The following DSE variants were observed in gnomAD, a reference collection of about 807,000 sequenced individuals.
DSE encodes dermatan-sulfate epimerase.
Under a neutral mutation model 84.4 loss-of-function variants are expected in DSE, and 36 were observed. The observed-to-expected ratio is 0.43, with a 90% CI of 0.33 to 0.56. DSE has a LOEUF of 0.56. Among genes scored for constraint, DSE ranks in the 20% least tolerant of loss-of-function variants. The pLI, the probability that DSE is intolerant of heterozygous loss-of-function variation, is 0.06. For missense variants in DSE, 862 were observed against 1,169.6 expected, an observed-to-expected ratio of 0.74 and a Z score of 3.84; for synonymous variants, 410 against 430.1, an observed-to-expected ratio of 0.95 and a Z score of 0.58.
intron 2 of DSE, among the ~76,000 whole-genome samples, chr6:116,363,754 A>C (rs1318879006): frequency 1.3e-5 from 2 of 152,248 alleles, no homozygotes; most frequent in African/African-American, 4.8e-5. Flanking sequence ...CTGCTAAATG[A>C]AAGGTGCCAT....
intron 2 of DSE, among the ~76,000 whole-genome samples, chr6:116,292,746 T>A (rs1774369131): frequency 6.6e-6 from 1 of 152,168 alleles, no homozygotes; most frequent in Admixed American, 6.6e-5. Context: ...TTTATACAAC[T>A]GAATATTACG....
chr6:116,258,801 G>A (rs1225512717), exon 2 of DSE: 12 of 1,608,946 alleles, frequency 7.5e-6, no homozygotes, highest in African/African-American at 1.3e-5. Context: ...GAGGGTTCTC[G>A]CCTGTGAGCA....
chr6:116,357,446 G>A (rs1278692916), intron 2 of DSE, among the ~76,000 whole-genome samples: 1 of 151,850 alleles, frequency 6.6e-6, no homozygotes, highest in Admixed American at 6.6e-5. Context: ...GCAGGAGAAA[G>A]GCATGAACCC....
At chr6:116,396,663 A>C (rs1321269245) in intron 1 of DSE, among the ~76,000 whole-genome samples, 5 of 152,198 alleles carry the variant, frequency 3.3e-5, no homozygotes, top group Non-Finnish European at 4.4e-5. Context: ...TCTATGCTTC[A>C]GGATCAGCTT....
At chr6:116,272,558 T>C (rs928736016) in intron 2 of DSE, among the ~76,000 whole-genome samples, 1 of 152,206 alleles carries the variant, frequency 6.6e-6, no homozygotes, top group Non-Finnish European at 1.5e-5. Flanking sequence ...CCAGGCTCTT[T>C]GCAATAGCTG....
intron 2 of DSE, among the ~76,000 whole-genome samples, chr6:116,304,711 G>C (rs1408496553): frequency 1.3e-5 from 2 of 152,168 alleles, no homozygotes; most frequent in Non-Finnish European, 2.9e-5. Flanking sequence ...GCACAGAGGA[G>C]GAGCTGCCCT....
At chr6:116,423,858 C>A (rs1192242736) in intron 2 of DSE, among the ~76,000 whole-genome samples, 1 of 152,116 alleles carries the variant, frequency 6.6e-6, no homozygotes, top group African/African-American at 2.4e-5. Flanking sequence ...TAGGGACAGA[C>A]CTGAAGGTGC....
In DSE at chr6:116,438,304, G is replaced by GT. The variant is rs1395573213; in HGVS notation, c.*961dup. ...ATTTTCTCTAGTATTCTTCTTCTTTGTTCCATTATATTCAAAATGCATTAA... is the reference window on the plus strand; with the variant it reads ...ATTTTCTCTAGTATTCTTCTTCTTTGTTTCCATTATATTCAAAATGCATTAA... On this transcript the variant is annotated 3_prime_UTR_variant, in exon 6 of 6. Coordinates refer to ENST00000644252, the MANE Select transcript of DSE (RefSeq NM_013352.4). 6.6e-6 allele frequency: 1 copy of GT among 152,070 alleles called. No homozygotes were observed. Among genetic ancestry groups the GT allele is most frequent in the Admixed American group, 6.6e-5 (1 of 15,248 alleles). The allele number at this position is 152,070 out of a possible 1,614,324, so 9.4% of individuals were successfully genotyped here.
chr6:116,416,164 G>C (rs76228526), intron 2 of DSE, among the ~76,000 whole-genome samples: 1 of 152,144 alleles, frequency 6.6e-6, no homozygotes, highest in Non-Finnish European at 1.5e-5. Context: ...GCCAAGAAAG[G>C]TTCTTTGCTT....
At chr6:116,321,337 ATTT>A (rs66863151) in intron 2 of DSE, among the ~76,000 whole-genome samples, 3 of 115,536 alleles carry the variant, frequency 2.6e-5, no homozygotes, top group Non-Finnish European at 1.7e-5. Context: ...CTAATTTTTC[ATTT>A]TTTTTTTTTT....
chr6:116,354,781 A>G (rs1778488963), intron 2 of DSE, among the ~76,000 whole-genome samples: 1 of 152,136 alleles, frequency 6.6e-6, no homozygotes, highest in Non-Finnish European at 1.5e-5. Context: ...CTGTAATTAT[A>G]TTTTTTGGTT....
upstream of DSE, chr6:116,369,989 A>T: frequency 1.6e-6 from 2 of 1,277,854 alleles, no homozygotes; most frequent in Admixed American, 4.6e-5. Flanking sequence ...ACTTGCACAC[A>T]CTGGGTGGAG....
At chr6:116,283,854 A>T (rs528911856) in intron 2 of DSE, among the ~76,000 whole-genome samples, 50 of 152,316 alleles carry the variant, frequency 3.3e-4, no homozygotes, top group African/African-American at 1.1e-3. Flanking sequence ...AGATTTGGGT[A>T]GATTCTTAAC....
intron 2 of DSE, among the ~76,000 whole-genome samples, chr6:116,419,077 C>G (rs754723191): frequency 1.3e-5 from 2 of 152,172 alleles, no homozygotes; most frequent in Non-Finnish European, 2.9e-5. Context: ...ATATGGACGC[C>G]AAGCCAGGCC....
At chr6:116,381,252 A>C (rs528188658) in intron 1 of DSE, among the ~76,000 whole-genome samples, 1 of 152,184 alleles carries the variant, frequency 6.6e-6, no homozygotes, top group African/African-American at 2.4e-5. Context: ...AGAGTAACAT[A>C]GGGAATAAAG....
intron 2 of DSE, among the ~76,000 whole-genome samples, chr6:116,269,098 C>A (rs551175169): frequency 6.6e-6 from 1 of 151,824 alleles, no homozygotes; most frequent in Non-Finnish European, 1.5e-5. Flanking sequence ...AAGGCTCTGA[C>A]CTGAATGACC....
intron 1 of DSE, 30 bp downstream of exon 1, chr6:116,371,151 T>G (rs980515106): frequency 5.5e-5 from 54 of 985,558 alleles, no homozygotes; most frequent in Admixed American, 6.1e-5. Context: ...AGGGACGAGC[T>G]GGGGCGCGCG....
intron 2 of DSE, among the ~76,000 whole-genome samples, chr6:116,423,891 C>T (rs911558684): frequency 1.3e-5 from 2 of 152,144 alleles, no homozygotes; most frequent in Non-Finnish European, 2.9e-5. Context: ...TCTTTTGGGG[C>T]GCCAGTGTTA....
At chr6:116,420,480 C>T (rs1269863064) in intron 2 of DSE, among the ~76,000 whole-genome samples, 1 of 152,188 alleles carries the variant, frequency 6.6e-6, no homozygotes. Flanking sequence ...CTAGGACAGG[C>T]CAGGTGAGCA....
Sources: allele counts gnomAD v4.1 joint callset (sites outside exome capture counted in the v4.1 genomes callset), GRCh38; gene constraint gnomAD v4.1.1; transcripts MANE v1.5; gene names NCBI Gene and HGNC (gene_info 2026-07-23, HGNC 2026-07-21).